The following CACNG7 variants were observed in gnomAD, a reference collection of about 807,000 sequenced individuals.
The protein encoded by CACNG7 is calcium voltage-gated channel auxiliary subunit gamma 7.
Under a neutral mutation model 26.3 loss-of-function variants are expected in CACNG7, and 9 were observed. The ratio of observed to expected loss-of-function variants is 0.34; its 90% CI spans 0.21 to 0.60. The LOEUF (loss-of-function observed/expected upper bound fraction) is 0.60, where lower values mean the gene tolerates loss of function less well. CACNG7 is among the 20% of genes least tolerant of loss of function. CACNG7 has a pLI of 0.81. For missense variants in CACNG7, 297 were observed against 380.4 expected (o/e 0.78, Z 1.82); for synonymous variants, 170 against 157.0 (o/e 1.08, Z -0.62).
chr19:53,933,219 C>A (rs1399083471), intron 4 of CACNG7, among the ~76,000 whole-genome samples: 1 of 150,736 alleles, frequency 6.6e-6, no homozygotes, highest in Non-Finnish European at 1.5e-5. Flanking sequence ...CAACCTCCAC[C>A]TCCTGGGTTC....
intron 4 of CACNG7, among the ~76,000 whole-genome samples, chr19:53,922,462 T>C (rs1020096675): frequency 8.7e-6 from 1 of 114,422 alleles, no homozygotes; most frequent in Non-Finnish European, 1.8e-5. Context: ...AGGCTGGTCA[T>C]TGGTGGAGTT....
chr19:53,915,248 AG>A (rs2068888317), intron 3 of CACNG7, 116 bp from the exon 4 acceptor site: 2 of 710,486 alleles, frequency 2.8e-6, no homozygotes, highest in African/African-American at 3.5e-5. Flanking sequence ...GGAGTCAGTA[AG>A]GAAAGGGAGG....
At chr19:53,920,331 T>C (rs2068933009) in intron 4 of CACNG7, among the ~76,000 whole-genome samples, 1 of 96,920 alleles carries the variant, frequency 1.0e-5, no homozygotes, top group Non-Finnish European at 1.9e-5. Flanking sequence ...TTGCCCCAGG[T>C]CTGGTCATTG....
Position 53,942,272 on chromosome 19 carries a change from C to T in CACNG7, c.807C>T (p.His269=). 5 of 1,612,600 alleles carry T rather than the reference C, an allele frequency of 3.1e-6. No individual in the cohort carries two copies. Among genetic ancestry groups the T allele is most frequent in the Non-Finnish European group, 4.2e-6 (5 of 1,179,652 alleles). Residue 269 remains histidine (H), a synonymous_variant, in exon 6 of 6, where the codon CAC becomes CAT. Coordinates refer to ENST00000391767, the MANE Select transcript of CACNG7 (RefSeq NM_031896.5). The surrounding 1 kb of genome is among the most constrained non-coding windows in gnomAD (Gnocchi z 5.9). ...CCATCAAGTACCCGGACCACCTGCA[C>T]ATCTCCACCTCGCCCTGCTGAGGCC... The part of the protein sequence containing the change: ...PPAIKYPDHL[H]ISTSPC
intron 4 of CACNG7, 23 bp from the exon 5 acceptor site, chr19:53,941,447 G>A (rs959901796): frequency 3.0e-5 from 45 of 1,510,366 alleles, no homozygotes; most frequent in Non-Finnish European, 3.9e-5. Context: ...TAATGGACGA[G>A]GGCACCCCCT....
intron 4 of CACNG7, among the ~76,000 whole-genome samples, chr19:53,923,422 T>TCTGGTATTGGTGGAGTTGTCCCCAGGC (rs1568776316): frequency 5.8e-5 from 7 of 120,324 alleles, no homozygotes; most frequent in Non-Finnish European, 1.2e-4. Context: ...TGTCCCCAGG[T>TCTGGTATTGGTGGAGTTGTCCCCAGGC]CTGGTATTGG....
intron 4 of CACNG7, among the ~76,000 whole-genome samples, chr19:53,934,007 C>T (rs991638922): frequency 1.3e-5 from 2 of 152,132 alleles, no homozygotes; most frequent in Non-Finnish European, 2.9e-5. Flanking sequence ...AAACAATTCT[C>T]GTGCCTCAGC....
chr19:53,937,857 C>T (rs971005797), intron 4 of CACNG7, among the ~76,000 whole-genome samples: 3 of 151,998 alleles, frequency 2.0e-5, no homozygotes, highest in Non-Finnish European at 2.9e-5. Context: ...TCCCAAAGTG[C>T]TGGGATTACA....
chr19:53,941,375 C>T (rs1050039297), intron 4 of CACNG7, 95 bp from the exon 5 acceptor site: 28 of 1,384,150 alleles, frequency 2.0e-5, no homozygotes, highest in Admixed American at 2.7e-5. Flanking sequence ...TAGTCCAGGA[C>T]AGAATGGGGA....
At chr19:53,915,208 G>C (rs1007365406) in intron 3 of CACNG7, among the ~76,000 whole-genome samples, 157 bp from the exon 4 acceptor site, 4 of 151,928 alleles carry the variant, frequency 2.6e-5, no homozygotes, top group Admixed American at 1.3e-4. Context: ...GAAATATCAG[G>C]GGAAGGAGAA....
At chr19:53,911,812 A>C (rs1044970553) in intron 1 of CACNG7, among the ~76,000 whole-genome samples, 3 of 152,152 alleles carry the variant, frequency 2.0e-5, no homozygotes, top group African/African-American at 7.2e-5. Context: ...GTATCAAATG[A>C]GGTCAAGGCA....
At chr19:53,928,473 C>T (rs1396147413) in intron 4 of CACNG7, among the ~76,000 whole-genome samples, 2 of 151,954 alleles carry the variant, frequency 1.3e-5, no homozygotes. Flanking sequence ...CGGGGTTTCA[C>T]CATGTTGGCC....
intron 4 of CACNG7, among the ~76,000 whole-genome samples, chr19:53,938,183 C>T (rs1568784634): frequency 6.6e-6 from 1 of 151,726 alleles, no homozygotes; most frequent in Non-Finnish European, 1.5e-5. Context: ...CCTGTCTCTA[C>T]AAAAAAATGC....
At chr19:53,938,463 A>C (rs951685934) in intron 4 of CACNG7, among the ~76,000 whole-genome samples, 2 of 152,184 alleles carry the variant, frequency 1.3e-5, no homozygotes, top group Non-Finnish European at 2.9e-5. Flanking sequence ...CTAAGAGGTC[A>C]GCGAAGTTTT....
intron 4 of CACNG7, among the ~76,000 whole-genome samples, chr19:53,923,498 C>G (rs1370563295): frequency 7.7e-6 from 1 of 130,080 alleles, no homozygotes; most frequent in Non-Finnish European, 1.6e-5. Context: ...TGGAGTTGTC[C>G]CAGGCTGGTC....
intron 4 of CACNG7, among the ~76,000 whole-genome samples, chr19:53,916,487 CTTTTTTT>C (rs397706471): frequency 5.9e-4 from 56 of 95,440 alleles, no homozygotes; most frequent in Non-Finnish European, 9.8e-4. Flanking sequence ...TTCTTTCTTT[CTTTTTTT>C]TTTTTTTTTT....
chr19:53,913,792 A>G (rs2145896979), intron 2 of CACNG7, among the ~76,000 whole-genome samples: 1 of 150,472 alleles, frequency 6.6e-6, no homozygotes, highest in South Asian at 2.1e-4. Flanking sequence ...TCTTAAAAAA[A>G]AAAAAAAAAA....
Position 53,942,096 on chromosome 19 carries a change from C to G in CACNG7, c.631C>G (p.Arg211Gly). Reference sequence around the variant, plus strand: ...GCGCTACGCGGAGGAGGAGATGTACCGTCCACACCCGGCCTTCTACCGCCC... The same window carrying G: ...GCGCTACGCGGAGGAGGAGATGTACGGTCCACACCCGGCCTTCTACCGCCC... ...TKRYAEEEMY[R>G]PHPAFYRPRL... The change falls in exon 6 of 6, where the codon CGT (arginine) becomes GGT (glycine). Residue 211 changes from arginine (R) to glycine (G), a missense_variant. Coordinates refer to ENST00000391767, the MANE Select transcript of CACNG7 (RefSeq NM_031896.5). This position sits in a 1 kb window ranked among gnomAD's most constrained non-coding sequence, Gnocchi z 5.9. 1.2e-6 allele frequency: 2 copies of G among 1,613,868 alleles called. No individual in the cohort carries two copies. The highest frequency in any genetic ancestry group is 8.5e-7 in the Non-Finnish European group (1 of 1,179,886).
At chr19:53,926,979 G>A (rs2069035875) in intron 4 of CACNG7, among the ~76,000 whole-genome samples, 1 of 151,324 alleles carries the variant, frequency 6.6e-6, no homozygotes, top group East Asian at 1.9e-4. Context: ...CTTTTTTTTT[G>A]AGACAGAGTC....
Sources: gnomAD v4.1 joint callset for allele counts (sites outside exome capture counted in the v4.1 genomes callset) on GRCh38, gnomAD v4.1.1 for gene constraint, Gnocchi (gnomAD v3.1) non-coding constraint, MANE v1.5 for transcripts, NCBI Gene and HGNC (gene_info 2026-07-23, HGNC 2026-07-21) for gene names.